The following RSRC1 variants were observed in gnomAD, a reference collection of about 807,000 sequenced individuals.
The protein encoded by RSRC1 is serine/Arginine-related protein 53.
In RSRC1, 39 loss-of-function variants were observed where a neutral mutation model predicts 49.1. The ratio of observed to expected loss-of-function variants is 0.79; its 90% CI spans 0.61 to 1.04. RSRC1 has a LOEUF of 1.04. RSRC1 is among the 50% of genes least tolerant of loss of function. The pLI, the probability that RSRC1 is intolerant of heterozygous loss-of-function variation, is 0.00. For synonymous variants in RSRC1, 143 were observed against 130.8 expected (o/e 1.09, Z -0.63); for missense variants, 388 against 402.4 (o/e 0.96, Z 0.31).
chr3:158,300,504 C>T (rs1727482984), intron 5 of RSRC1, among the ~76,000 whole-genome samples: 1 of 152,090 alleles, frequency 6.6e-6, no homozygotes, highest in Non-Finnish European at 1.5e-5. Flanking sequence ...ATTAATGAAA[C>T]CTGTTCTGTC....
chr3:158,256,008 C>A (rs1262599482), intron 4 of RSRC1, among the ~76,000 whole-genome samples: 2 of 152,150 alleles, frequency 1.3e-5, no homozygotes, highest in African/African-American at 4.8e-5. Context: ...CATCTACGAA[C>A]AGGGACAGTT....
At chr3:158,397,595 A>G (rs1490363218) in intron 6 of RSRC1, among the ~76,000 whole-genome samples, 1 of 152,114 alleles carries the variant, frequency 6.6e-6, no homozygotes, top group East Asian at 1.9e-4. Flanking sequence ...TTATCACAGC[A>G]TTGTCTGTTA....
chr3:158,233,661 G>T (rs576295055), intron 4 of RSRC1, among the ~76,000 whole-genome samples: 27 of 152,162 alleles, frequency 1.8e-4, no homozygotes, highest in African/African-American at 6.3e-4. Context: ...TTGCTTCAAA[G>T]AATTCATGAA....
chr3:158,406,331 CAGTT>C (rs1391411871), intron 6 of RSRC1, among the ~76,000 whole-genome samples: 2 of 152,038 alleles, frequency 1.3e-5, no homozygotes, highest in African/African-American at 4.8e-5. Context: ...GTAACCAGCA[CAGTT>C]AGCCACATTT....
intron 4 of RSRC1, among the ~76,000 whole-genome samples, chr3:158,291,724 T>G (rs1035719684): frequency 2.2e-4 from 33 of 152,198 alleles, no homozygotes; most frequent in Admixed American, 2.6e-4. Context: ...AATATCATTA[T>G]TAAGTGTGGC....
chr3:158,480,013 T>A (rs898612338), intron 7 of RSRC1, among the ~76,000 whole-genome samples: 1 of 152,028 alleles, frequency 6.6e-6, no homozygotes, highest in African/African-American at 2.4e-5. Context: ...CAAGTCTGTC[T>A]TTCACATGCA....
At chr3:158,329,689 CCCACTTG>C (rs1393224249) in intron 5 of RSRC1, among the ~76,000 whole-genome samples, 1 of 152,156 alleles carries the variant, frequency 6.6e-6, no homozygotes, top group Non-Finnish European at 1.5e-5. Context: ...GGATCAGGGA[CCCACTTG>C]AGACAGTCTG....
intron 5 of RSRC1, among the ~76,000 whole-genome samples, chr3:158,320,508 T>A (rs1405569924): frequency 6.6e-6 from 1 of 152,194 alleles, no homozygotes; most frequent in Non-Finnish European, 1.5e-5. Context: ...ATTTAGAATC[T>A]TCTGTGTTTC....
intron 5 of RSRC1, among the ~76,000 whole-genome samples, chr3:158,299,897 C>T (rs983010337): frequency 1.3e-5 from 2 of 152,158 alleles, no homozygotes; most frequent in Non-Finnish European, 2.9e-5. Context: ...TCCAGACTTC[C>T]ACTACTCACT....
chr3:158,283,019 CTG>C (rs566835498), intron 4 of RSRC1, among the ~76,000 whole-genome samples: 111 of 152,226 alleles, frequency 7.3e-4, no homozygotes, highest in Non-Finnish European at 1.3e-3. Context: ...GCAAACATAA[CTG>C]TGTTCATTAT....
intron 4 of RSRC1, among the ~76,000 whole-genome samples, chr3:158,281,412 T>G (rs1340424851): frequency 2.0e-4 from 30 of 151,998 alleles, no homozygotes; most frequent in Non-Finnish European, 4.4e-5. Context: ...TGATATACAT[T>G]TTTTGCACAT....
intron 3 of RSRC1, among the ~76,000 whole-genome samples, chr3:158,155,995 G>A (rs1380709077): frequency 6.6e-6 from 1 of 152,146 alleles, no homozygotes; most frequent in African/African-American, 2.4e-5. Flanking sequence ...GTCCTTTGAA[G>A]CTTTGTAGCC....
At chr3:158,118,253 AT>A (rs1344424025) in intron 1 of RSRC1, among the ~76,000 whole-genome samples, 1 of 151,942 alleles carries the variant, frequency 6.6e-6, no homozygotes, top group African/African-American at 2.4e-5. Flanking sequence ...CCTGGCCTTA[AT>A]TTTAAATTTT....
At chr3:158,162,738 A>G (rs1465256562) in intron 3 of RSRC1, among the ~76,000 whole-genome samples, 1 of 152,164 alleles carries the variant, frequency 6.6e-6, no homozygotes, top group Non-Finnish European at 1.5e-5. Flanking sequence ...TTGTTTTGCT[A>G]TTAGTCAGGT....
chr3:158,491,938 G>C (rs1053254283), intron 7 of RSRC1, among the ~76,000 whole-genome samples: 12 of 151,972 alleles, frequency 7.9e-5, no homozygotes. Flanking sequence ...TTTTAAACCT[G>C]TGTGTATTAG....
At chr3:158,310,460 A>G (rs1728065913) in intron 5 of RSRC1, among the ~76,000 whole-genome samples, 1 of 151,858 alleles carries the variant, frequency 6.6e-6, no homozygotes, top group Non-Finnish European at 1.5e-5. Flanking sequence ...TGGTTTATTC[A>G]AAAATTAATT....
At chr3:158,170,175 A>T (rs1348340696) in intron 3 of RSRC1, among the ~76,000 whole-genome samples, 1 of 152,126 alleles carries the variant, frequency 6.6e-6, no homozygotes, top group African/African-American at 2.4e-5. Context: ...GCTTATTTTT[A>T]TTCTATGAAC....
At chr3:158,496,538 T>C (rs6805361) in intron 7 of RSRC1, 16,131 of 152,756 alleles carry the variant, frequency 0.11, 1,012 homozygotes, top group African/African-American at 0.18. Context: ...TCTGAAAATT[T>C]ACCACCCTTT....
chr3:158,491,497 T>C (rs111709490), intron 7 of RSRC1, among the ~76,000 whole-genome samples: 5 of 152,350 alleles, frequency 3.3e-5, no homozygotes, highest in African/African-American at 9.6e-5. Flanking sequence ...GAGTTAGGTA[T>C]GGCTCTTTGG....
Sources: allele counts gnomAD v4.1 joint callset (sites outside exome capture counted in the v4.1 genomes callset), GRCh38; gene constraint gnomAD v4.1.1; transcripts MANE v1.5; gene names NCBI Gene and HGNC (gene_info 2026-07-23, HGNC 2026-07-21).